ARHGAP39: variants seen among roughly 807,000 people sequenced by gnomAD.
ARHGAP39 encodes the protein rho GTPase-activating protein 39.
Under a neutral mutation model 106.9 loss-of-function variants are expected in ARHGAP39, and 44 were observed. The ratio of observed to expected loss-of-function variants is 0.41; its 90% confidence interval spans 0.32 to 0.53. The LOEUF (loss-of-function observed/expected upper bound fraction) is 0.53. ARHGAP39 is among the 20% of genes least tolerant of loss of function. The pLI, the probability that ARHGAP39 is intolerant of heterozygous loss-of-function variation, is 0.21. For missense variants in ARHGAP39, 1,496 were observed against 1,577.3 expected (o/e 0.95, Z 0.87); for synonymous variants, 768 against 693.2 (o/e 1.11, Z -1.69).
chr8:144,654,166 G>A (rs567321892), intron 1 of ARHGAP39, among the ~76,000 whole-genome samples: 9 of 152,282 alleles, frequency 5.9e-5, no homozygotes, highest in African/African-American at 2.2e-4. Context: ...CCAAAATAAA[G>A]GGAGAAGACA....
chr8:144,557,654 T>C (rs1318260976), intron 3 of ARHGAP39, among the ~76,000 whole-genome samples: 1 of 143,840 alleles, frequency 7.0e-6, no homozygotes, highest in East Asian at 2.1e-4. Flanking sequence ...TGAACCTTCG[T>C]AGTATTCAGA....
the ARHGAP39 span, chr8:144,698,896 T>C: frequency 1.3e-3 from 605 of 454,816 alleles, 1 homozygote; most frequent in African/African-American, 0.011. Flanking sequence ...CTTGGGGGGG[T>C]TGGGGGGTCC....
intron 8 of ARHGAP39, among the ~76,000 whole-genome samples, chr8:144,533,766 A>C (rs530785905): frequency 1.4e-4 from 21 of 152,272 alleles, no homozygotes; most frequent in African/African-American, 4.3e-4. Context: ...CAGGGCTGAG[A>C]GCGCTGGGGA....
At position 144,659,141 on chromosome 8, in the gene ARHGAP39, A is replaced by T. The variant is rs181294071; in HGVS notation, c.-82+26545T>A. Among the ~76,000 whole-genome samples the T allele has an allele frequency of 5.3e-5, 8 of 152,304 alleles. No individual in the cohort carries two copies. In the East Asian group the frequency reaches 1.5e-3, roughly 29 times the overall value. On this transcript the variant is annotated intron_variant, in intron 1 of 11. Coordinates refer to ENST00000377307, the MANE Select transcript of ARHGAP39 (RefSeq NM_025251.3). ...CTAAAGACAAATCAACTCAGAGTCC[A>T]CTTCCCAGGGAACTCGACACAAACA...
In ARHGAP39 at chr8:144,679,422, T is replaced by G. The variant is rs1448570597; in HGVS notation, c.-82+6264A>C. Among the ~76,000 whole-genome samples the G allele has an allele frequency of 6.6e-6, 1 of 152,200 alleles. No individual in the cohort carries two copies. The highest frequency in any genetic ancestry group is 2.4e-5 in the African/African-American group (1 of 41,458). ...GCATGTGCCACATAAGGCCTGGTCC[T>G]GGATCTGGAAATGAAGACTCTTGGA... On this transcript the variant is annotated intron_variant, in intron 1 of 11. Transcript: ENST00000377307. This position sits in a 1 kb window ranked among gnomAD's most constrained non-coding sequence, Gnocchi z 4.7.
At chr8:144,576,307 T>A (rs1463622454) in intron 3 of ARHGAP39, among the ~76,000 whole-genome samples, 1 of 120,358 alleles carries the variant, frequency 8.3e-6, no homozygotes, top group Non-Finnish European at 1.6e-5. Flanking sequence ...CACTCCAGCC[T>A]GGGCGACAGA....
At chr8:144,621,473 G>C (rs536174664) in intron 1 of ARHGAP39, among the ~76,000 whole-genome samples, 3 of 152,232 alleles carry the variant, frequency 2.0e-5, no homozygotes, top group Non-Finnish European at 4.4e-5. Flanking sequence ...CAGAGAAGAG[G>C]TTCTGAGGCA....
intron 1 of ARHGAP39, among the ~76,000 whole-genome samples, chr8:144,680,664 A>C (rs1335871683): frequency 3.3e-5 from 5 of 152,258 alleles, no homozygotes; most frequent in Admixed American, 3.3e-4. Flanking sequence ...AAAATTGAAA[A>C]AAAAATTATT....
chr8:144,579,006 T>A (rs1358159100), intron 3 of ARHGAP39, among the ~76,000 whole-genome samples: 2 of 151,282 alleles, frequency 1.3e-5, no homozygotes, highest in Non-Finnish European at 2.9e-5. Flanking sequence ...ATCAAGACCA[T>A]CCTGGCTAAC....
At chr8:144,617,370 C>G (rs1352533124) in intron 1 of ARHGAP39, among the ~76,000 whole-genome samples, 1 of 140,966 alleles carries the variant, frequency 7.1e-6, no homozygotes. Context: ...CCAGCAAGAG[C>G]CAGGAGACCT....
chr8:144,545,532 G>A lies in ARHGAP39; in HGVS notation c.2238C>T (p.Leu746=). ...DRHVKKEACE[L]FKLIQMYMGD... ...CCATGTACATCTGGATCAGCTTGAA[G>A]AGCTCGCAGGCCTCCTTCTTCACGT... is the stretch of plus-strand genomic sequence containing the variant. The change falls in exon 6 of 12, where the codon CTC becomes CTT. Residue 746 remains leucine, a synonymous_variant. Coordinates refer to ENST00000377307, the MANE Select transcript of ARHGAP39 (RefSeq NM_025251.3). 2 of 1,613,602 alleles carry A rather than the reference G, an allele frequency of 1.2e-6. No individual in the cohort carries two copies. The highest frequency in any genetic ancestry group is 2.2e-5 in the South Asian group (2 of 91,078).
At position 144,614,596 on chromosome 8, in the gene ARHGAP39, G is replaced by A. The variant is rs527792438; in HGVS notation, c.-81-8901C>T. 6.8e-4 allele frequency among the ~76,000 whole-genome samples: 103 copies of A among 152,210 alleles called. 1 individual carries two copies. Among genetic ancestry groups the A allele is most frequent in the Admixed American group, 1.1e-3 (17 of 15,294 alleles). ...TTGAACTCCTGGCCTCAGGTGATCC[G>A]CCCACCTTGGCCTCCACAAGTGCTG... On this transcript the variant is annotated intron_variant, in intron 1 of 11. Coordinates refer to ENST00000377307, the MANE Select transcript of ARHGAP39 (RefSeq NM_025251.3).
At chr8:144,563,795 A>T (rs1192665590) in intron 3 of ARHGAP39, among the ~76,000 whole-genome samples, 1 of 151,926 alleles carries the variant, frequency 6.6e-6, no homozygotes, top group African/African-American at 2.4e-5. Context: ...TATCTAAAAA[A>T]AATAATAATA....
At chr8:144,619,490 TTG>T (rs1214374705) in intron 1 of ARHGAP39, among the ~76,000 whole-genome samples, 1 of 149,184 alleles carries the variant, frequency 6.7e-6, no homozygotes, top group Non-Finnish European at 1.5e-5. Flanking sequence ...GAGAGACCGT[TTG>T]TGTGAGCCTC....
chr8:144,607,605 G>C (rs1341145254), intron 1 of ARHGAP39, among the ~76,000 whole-genome samples: 1 of 152,034 alleles, frequency 6.6e-6, no homozygotes, highest in Admixed American at 6.6e-5. Flanking sequence ...ATAGATACTA[G>C]CTGTGCTAAT....
intron 1 of ARHGAP39, among the ~76,000 whole-genome samples, chr8:144,630,007 C>T (rs6988118): frequency 1.3e-5 from 2 of 152,190 alleles, no homozygotes; most frequent in African/African-American, 4.8e-5. Context: ...CAACTTCTTA[C>T]TGAGAGACAG....
At chr8:144,546,524 C>T (rs1817429132) in intron 5 of ARHGAP39, among the ~76,000 whole-genome samples, 1 of 152,200 alleles carries the variant, frequency 6.6e-6, no homozygotes, top group Admixed American at 6.5e-5. Context: ...CTCTGCCTCA[C>T]CCTGTGAGAA....
intron 3 of ARHGAP39, among the ~76,000 whole-genome samples, chr8:144,576,286 T>C (rs1031093294): frequency 7.4e-6 from 1 of 135,592 alleles, no homozygotes; most frequent in African/African-American, 2.8e-5. Flanking sequence ...TGAGCCGAGA[T>C]TGCACCACTG....
At chr8:144,636,859 A>G (rs570523441) in intron 1 of ARHGAP39, among the ~76,000 whole-genome samples, 1 of 152,338 alleles carries the variant, frequency 6.6e-6, no homozygotes, top group East Asian at 1.9e-4. Flanking sequence ...AAAGAATACT[A>G]CAAAGGAAAT....
Sources: gnomAD v4.1 joint callset for allele counts (sites outside exome capture counted in the v4.1 genomes callset) on GRCh38, gnomAD v4.1.1 for gene constraint, Gnocchi (gnomAD v3.1) non-coding constraint, MANE v1.5 for transcripts, NCBI Gene and HGNC (gene_info 2026-07-23, HGNC 2026-07-21) for gene names.